Variants in GDI2 observed in about 807,000 individuals in gnomAD.
GDI2 encodes rab GDP dissociation inhibitor beta.
A neutral mutation model predicts 54.2 loss-of-function variants in GDI2; 22 were observed. The observed-to-expected ratio is 0.41, with a 90% CI of 0.29 to 0.58. The LOEUF (loss-of-function observed/expected upper bound fraction) is 0.58, where lower values mean the gene tolerates loss of function less well. Among genes scored for constraint, GDI2 ranks in the 20% least tolerant of loss-of-function variants. The probability of loss-of-function intolerance (pLI) is 0.35; values close to 1 mark genes in which losing one functional copy is unlikely to be tolerated. For synonymous variants in GDI2, 177 were observed against 182.1 expected, an observed-to-expected ratio of 0.97 and a Z score of 0.23; for missense variants, 422 against 546.0, an observed-to-expected ratio of 0.77 and a Z score of 2.26.
At chr10:5,812,992 C>G (rs77948341) in intron 1 of GDI2, among the ~76,000 whole-genome samples, 12 of 152,192 alleles carry the variant, frequency 7.9e-5, no homozygotes, top group Admixed American at 6.5e-4. Flanking sequence ...CGGCCCGCAT[C>G]TCCATTTCCC....
intron 4 of GDI2, 115 bp from the exon 5 acceptor site, chr10:5,786,165 A>ATTTTTTTTTTTTTTTTTTTTTTTTTTTT (rs35328258): frequency 3.0e-6 from 1 of 332,572 alleles, no homozygotes; most frequent in Non-Finnish European, 5.2e-6. Context: ...GCAGGATGCA[A>ATTTTTTTTTTTTTTTTTTTTTTTTTTTT]TTTTTTTTTT....
chr10:5,780,049 A>G (rs1354976049), intron 6 of GDI2, among the ~76,000 whole-genome samples: 6 of 152,002 alleles, frequency 3.9e-5, no homozygotes, highest in Non-Finnish European at 8.8e-5. Context: ...ATCTCTACCA[A>G]AATACAAAAG....
chr10:5,808,918 C>T (rs1841432882), intron 1 of GDI2, among the ~76,000 whole-genome samples: 1 of 152,192 alleles, frequency 6.6e-6, no homozygotes, highest in Non-Finnish European at 1.5e-5. Context: ...AAGAATGTTT[C>T]TTTAAATGAC....
intron 1 of GDI2, among the ~76,000 whole-genome samples, chr10:5,805,530 G>A (rs1841358831): frequency 6.6e-6 from 1 of 151,994 alleles, no homozygotes; most frequent in African/African-American, 2.4e-5. Context: ...ACAGACATGT[G>A]CCACCACGCC....
chr10:5,810,211 T>C (rs1389162506), intron 1 of GDI2, among the ~76,000 whole-genome samples: 4 of 152,256 alleles, frequency 2.6e-5, no homozygotes, highest in Non-Finnish European at 5.9e-5. Flanking sequence ...TTTAAACATA[T>C]GATGCTGAGA....
intron 1 of GDI2, among the ~76,000 whole-genome samples, chr10:5,805,872 C>T (rs1319658401): frequency 1.3e-5 from 2 of 152,224 alleles, no homozygotes; most frequent in Admixed American, 6.5e-5. Flanking sequence ...GTTGCAGATG[C>T]AGCTGATCTA....
Position 5,768,034 on chromosome 10 carries a change from T to C in GDI2, c.991+179A>G, listed in dbSNP as rs1433574442. 6.6e-6 allele frequency among the ~76,000 whole-genome samples: 1 copy of C among 152,232 alleles called. No individual in the cohort carries two copies. Among genetic ancestry groups the C allele is most frequent in the Non-Finnish European group, 1.5e-5 (1 of 68,040 alleles). Reference sequence around the variant, plus strand: ...AGTCCAAGGCTGGCTCCGAGTTGAATCTGTCCGCGTTGACACAATGCTGCC... The same window carrying C: ...AGTCCAAGGCTGGCTCCGAGTTGAACCTGTCCGCGTTGACACAATGCTGCC... On this transcript the variant is annotated intron_variant, in intron 8 of 10. Coordinates refer to ENST00000380191, the MANE Select transcript of GDI2 (RefSeq NM_001494.4). This position sits in a 1 kb window ranked among gnomAD's most constrained non-coding sequence, Gnocchi z 4.4.
In GDI2 at chr10:5,794,962, A is replaced by G; in HGVS notation, c.311T>C (p.Val104Ala). The change falls in exon 4 of 11, where the codon GTG becomes GCG. Residue 104 changes from valine to alanine, a missense_variant. Val to Ala is a moderately conservative substitution (Grantham distance 64). Coordinates refer to ENST00000380191, the MANE Select transcript of GDI2 (RefSeq NM_001494.4). The part of the protein sequence containing the change: ...TEVTRYLDFK[V>A]TEGSFVYKGG... ...CTTATAGACAAAGCTCCCTTCAGTC[A>G]CTTTAAAATCCAGATAGCGAGTTAC... 6.3e-7 allele frequency: 1 copy of G among 1,596,834 alleles called. No homozygotes were observed. The highest frequency in any genetic ancestry group is 1.3e-5 in the African/African-American group (1 of 74,766).
At chr10:5,772,133 A>G (rs1395315880) in intron 7 of GDI2, among the ~76,000 whole-genome samples, 1 of 152,136 alleles carries the variant, frequency 6.6e-6, no homozygotes, top group Non-Finnish European at 1.5e-5. Flanking sequence ...TGCTGAAAGT[A>G]CAAGCAGTGT....
At chr10:5,781,111 C>A (rs1440296434) in intron 6 of GDI2, among the ~76,000 whole-genome samples, 1 of 151,528 alleles carries the variant, frequency 6.6e-6, no homozygotes, top group Non-Finnish European at 1.5e-5. Flanking sequence ...AAAGGCACCA[C>A]GACTACCTAG....
intron 7 of GDI2, among the ~76,000 whole-genome samples, chr10:5,769,807 TG>T (rs1416965159): frequency 6.6e-6 from 1 of 152,230 alleles, no homozygotes; most frequent in Admixed American, 6.5e-5. Flanking sequence ...CCAGCCACTA[TG>T]GAAAATGGTA....
rs372388846 is a variant in GDI2, at chr10:5,782,167, C to A, written c.719+2975G>T. ...AGACAATCCAATCTTTAGAAATGTG[C>A]AAAAGACTTGAACAATCACAGCACA... is the stretch of plus-strand genomic sequence containing the variant. On this transcript the variant is annotated intron_variant, in intron 6 of 10. Coordinates refer to ENST00000380191, the MANE Select transcript of GDI2 (RefSeq NM_001494.4). 1.2e-3 allele frequency among the ~76,000 whole-genome samples: 179 copies of A among 152,230 alleles called. 2 individuals carry two copies. In the South Asian group the frequency reaches 0.034, roughly 29 times the overall value.
In GDI2 at chr10:5,777,002, C is replaced by A. The variant is rs1840636768; in HGVS notation, c.720-3061G>T. On this transcript the variant is annotated intron_variant, in intron 6 of 10. Transcript: ENST00000380191. Reference sequence around the variant, plus strand: ...GCAGACTGTGGGAGAAGAGGCATTGCCAGGACTTGGCAAACAGTCACTGTG... The same window carrying A: ...GCAGACTGTGGGAGAAGAGGCATTGACAGGACTTGGCAAACAGTCACTGTG... 8 of 487,490 alleles carry A rather than the reference C, an allele frequency of 1.6e-5. No individual in the cohort carries two copies. The South Asian group carries it at 2.5e-4, about 15-fold the overall frequency. 30.2% of individuals were successfully genotyped at this position (487,490 alleles called of 1,614,324 possible).
chr10:5,787,364 T>C (rs2131700573), intron 4 of GDI2, among the ~76,000 whole-genome samples: 1 of 152,168 alleles, frequency 6.6e-6, no homozygotes, highest in Middle Eastern at 3.4e-3. Context: ...ATTAGCTGGG[T>C]GTGGTGGCGC....
In GDI2 at chr10:5,773,933, G is replaced by A; in HGVS notation, c.728C>T (p.Ala243Val). ...ELPQGFARLS[A>V]IYGGTYMLNK... Reference sequence around the variant, plus strand: ...CAGCATATAGGTACCTCCATAAATAGCACTTAGCCTGGAAAATTTTTAAAA... The same window carrying A: ...CAGCATATAGGTACCTCCATAAATAACACTTAGCCTGGAAAATTTTTAAAA... The change falls in exon 7 of 11, where the codon GCT becomes GTT. Residue 243 changes from alanine to valine, a missense_variant. By Grantham distance (64) the Ala-to-Val change is moderately conservative. Transcript: ENST00000380191. 1 of 1,462,644 alleles carries A rather than the reference G, an allele frequency of 6.8e-7. No homozygotes were observed. Among genetic ancestry groups the A allele is most frequent in the Non-Finnish European group, 9.4e-7 (1 of 1,059,218 alleles). The allele number at this position is 1,462,644 out of a possible 1,614,324, so 90.6% of individuals were successfully genotyped here.
At chr10:5,784,597 T>G (rs1307780242) in intron 6 of GDI2, among the ~76,000 whole-genome samples, 2 of 152,238 alleles carry the variant, frequency 1.3e-5, no homozygotes, top group African/African-American at 4.8e-5. Flanking sequence ...GCTGTTCAGA[T>G]TCTTTTGTCC....
intron 4 of GDI2, among the ~76,000 whole-genome samples, chr10:5,792,902 A>C (rs1317527149): frequency 6.6e-6 from 1 of 151,334 alleles, no homozygotes; most frequent in Non-Finnish European, 1.5e-5. Context: ...TGAAGCTTTA[A>C]TATAAGTAAG....
intron 6 of GDI2, among the ~76,000 whole-genome samples, chr10:5,781,337 C>G (rs1299823902): frequency 2.6e-5 from 4 of 151,278 alleles, no homozygotes; most frequent in African/African-American, 9.7e-5. Flanking sequence ...TAAAAGACTT[C>G]TAAAATAGGG....
chr10:5,780,293 C>CAAA (rs75631052), intron 6 of GDI2, among the ~76,000 whole-genome samples: 1 of 131,936 alleles, frequency 7.6e-6, no homozygotes, highest in Non-Finnish European at 1.6e-5. Flanking sequence ...AAACCATCTA[C>CAAA]AAAAAAAAAA....
Sources: gnomAD v4.1 joint callset for allele counts (sites outside exome capture counted in the v4.1 genomes callset) on GRCh38, gnomAD v4.1.1 for gene constraint, Gnocchi (gnomAD v3.1) non-coding constraint, MANE v1.5 for transcripts, NCBI Gene and HGNC (gene_info 2026-07-23, HGNC 2026-07-21) for gene names.